The following LMNA variants were observed in gnomAD, a reference collection of about 807,000 sequenced individuals.
The protein encoded by LMNA is lamin.
LMNA carries 20 observed loss-of-function variants against 70.4 expected under a neutral mutation model. That is an observed-to-expected ratio of 0.28 (90% CI 0.20 to 0.41). LMNA has a LOEUF of 0.41. Among genes scored for constraint, LMNA ranks in the 10% least tolerant of loss-of-function variants. The probability of loss-of-function intolerance (pLI) is 1.00; values close to 1 mark genes in which losing one functional copy is unlikely to be tolerated. For synonymous variants in LMNA, 339 were observed against 372.8 expected (o/e 0.91, Z 1.04); for missense variants, 652 against 917.2 (o/e 0.71, Z 3.73).
intron 2 of LMNA, among the ~76,000 whole-genome samples, chr1:156,089,280 GTTTATTTATTTA>G (rs140712392): frequency 6.6e-6 from 1 of 150,958 alleles, no homozygotes; most frequent in East Asian, 1.9e-4. Context: ...CCCAACCCTT[GTTTATTTATTTA>G]TTTATTTATT....
At chr1:156,083,910 G>A (rs572407068) in intron 2 of LMNA, among the ~76,000 whole-genome samples, 2 of 152,320 alleles carry the variant, frequency 1.3e-5, no homozygotes, top group South Asian at 4.1e-4. Flanking sequence ...GTTTCAGGAA[G>A]GTGGAGTGTA....
At chr1:156,086,452 T>A (rs900001720) in intron 2 of LMNA, among the ~76,000 whole-genome samples, 2 of 150,924 alleles carry the variant, frequency 1.3e-5, no homozygotes, top group African/African-American at 4.9e-5. Flanking sequence ...AAGCCAGGCT[T>A]CTGGCCTCAT....
chr1:156,138,865 C>G lies in LMNA; in HGVS notation c.1968+108C>G. ...GGAGAGCCTGCCTTCTCTTCCGCAG[C>G]CCGGGGGAGTGGGAGCCTCCTCCCC... On this transcript the variant is annotated intron_variant, in intron 11 of 11. Transcript: ENST00000368300. This position sits in a 1 kb window ranked among gnomAD's most constrained non-coding sequence, Gnocchi z 5.5. 1 of 1,473,518 alleles carries G rather than the reference C, an allele frequency of 6.8e-7. No individual in the cohort carries two copies. 91.3% of individuals were successfully genotyped at this position (1,473,518 alleles called of 1,614,324 possible).
intron 1 of LMNA, among the ~76,000 whole-genome samples, chr1:156,127,327 T>C (rs1181737690): frequency 6.6e-6 from 1 of 152,086 alleles, no homozygotes; most frequent in Non-Finnish European, 1.5e-5. Flanking sequence ...CCATGGGTGA[T>C]AGTGGCTTCT....
At chr1:156,117,969 ATTTTTTTTT>A (rs1186679791) in intron 1 of LMNA, among the ~76,000 whole-genome samples, 1 of 91,906 alleles carries the variant, frequency 1.1e-5, no homozygotes, top group Non-Finnish European at 2.0e-5. Flanking sequence ...CGCTTGGCTA[ATTTTTTTTT>A]TTTTTTTTTT....
At position 156,089,903 on chromosome 1, in the gene LMNA, G is replaced by A. The variant is rs186742573; in HGVS notation, c.-318-568G>A. ...GAGGCCCCTCTGGGACTTAGGGCTGGACCCAGGCGTCCAGGAGGCGGGTGA... is the reference window on the plus strand; with the variant it reads ...GAGGCCCCTCTGGGACTTAGGGCTGAACCCAGGCGTCCAGGAGGCGGGTGA... On this transcript the variant is annotated intron_variant, in intron 2 of 12. Transcript: ENST00000368301. 5.7e-3 allele frequency among the ~76,000 whole-genome samples: 869 copies of A among 152,300 alleles called. 3 individuals carry two copies. Among genetic ancestry groups the A allele is most frequent in the Non-Finnish European group, 7.3e-3 (499 of 68,028 alleles).
At chr1:156,083,761 G>C (rs1240138941) in intron 2 of LMNA, 1 of 152,188 alleles carries the variant, frequency 6.6e-6, no homozygotes, top group Non-Finnish European at 1.5e-5. Context: ...CTAGATCGCA[G>C]AGTGAGACTC....
Position 156,135,144 on chromosome 1 carries a change from C to A in LMNA, c.811-43C>A, listed in dbSNP as rs768992495. The A allele has an allele frequency of 1.2e-6, 2 of 1,613,688 alleles. No homozygotes were observed. The highest frequency in any genetic ancestry group is 2.7e-5 in the African/African-American group (2 of 74,946). On this transcript the variant is annotated intron_variant, in intron 4 of 11. Transcript: ENST00000368300. This position sits in a 1 kb window ranked among gnomAD's most constrained non-coding sequence, Gnocchi z 4.8. Reference sequence around the variant, plus strand: ...CCCAACTCAGGCCTGTGCCTCCACCCCTCCCAGTCACCACAGTCCTAACCC... The same window carrying A: ...CCCAACTCAGGCCTGTGCCTCCACCACTCCCAGTCACCACAGTCCTAACCC...
Position 156,136,866 on chromosome 1 carries a change from A to C in LMNA, c.1381-55A>C, listed in dbSNP as rs1572365339. The C allele has an allele frequency of 2.0e-6, 3 of 1,475,016 alleles. No homozygotes were observed. The allele number at this position is 1,475,016 out of a possible 1,614,324, so 91.4% of individuals were successfully genotyped here. Reference sequence around the variant, plus strand: ...AGGGCTGGGCCTTTGAGCAAGATACACCCAAGAGCCTGGGTGAGCCTCCCC... The same window carrying C: ...AGGGCTGGGCCTTTGAGCAAGATACCCCCAAGAGCCTGGGTGAGCCTCCCC... On this transcript the variant is annotated intron_variant, in intron 7 of 11. Transcript: ENST00000368300. This position sits in a 1 kb window ranked among gnomAD's most constrained non-coding sequence, Gnocchi z 6.1.
chr1:156,088,863 A>AGGAT (rs1430465500), intron 2 of LMNA, among the ~76,000 whole-genome samples: 1 of 152,188 alleles, frequency 6.6e-6, no homozygotes, highest in Non-Finnish European at 1.5e-5. Context: ...CGTGTTAGCC[A>AGGAT]GGATGGTCTC....
In LMNA at chr1:156,136,074, C is replaced by T; in HGVS notation, c.1110C>T (p.Asp370=). ...QELLDIKLAL[D]MEIHAYRKLL... is the part of the protein sequence containing the mutation. ...TTCTGGACATCAAGCTGGCCCTGGA[C>T]ATGGAGATCCACGCCTACCGCAAGC... Residue 370 remains aspartate (D), a synonymous_variant, in exon 6 of 12, where the codon GAC becomes GAT. Coordinates refer to ENST00000368300, the MANE Select transcript of LMNA (RefSeq NM_170707.4). This position sits in a 1 kb window ranked among gnomAD's most constrained non-coding sequence, Gnocchi z 6.1. 6.2e-7 allele frequency: 1 copy of T among 1,614,120 alleles called. No homozygotes were observed. Among genetic ancestry groups the T allele is most frequent in the Non-Finnish European group, 8.5e-7 (1 of 1,180,028 alleles).
At chr1:156,129,783 GT>G (rs755920756) in intron 1 of LMNA, 10 of 725,704 alleles carry the variant, frequency 1.4e-5, no homozygotes, top group Admixed American at 7.8e-5. Flanking sequence ...AGGCAGCGCT[GT>G]TCGACTGGTT....
chr1:156,129,721 A>C (rs550547700), intron 1 of LMNA: 62 of 640,262 alleles, frequency 9.7e-5, no homozygotes, highest in Non-Finnish European at 1.6e-4. Flanking sequence ...CTATTTCTCC[A>C]GTCCACTAGC....
rs1315332852 is a variant in LMNA, at chr1:156,137,971, T to C, written c.1698+228T>C. On this transcript the variant is annotated intron_variant, in intron 10 of 11. Transcript: ENST00000368300. The surrounding 1 kb of genome is among the most constrained non-coding windows in gnomAD (Gnocchi z 4.6). ...AAGGAAGGGAGTGGGAACTTTCTGATGCCATGGAATATTCCTGTGGGAGCA... is the reference window on the plus strand; with the variant it reads ...AAGGAAGGGAGTGGGAACTTTCTGACGCCATGGAATATTCCTGTGGGAGCA... 2.4e-6 allele frequency: 2 copies of C among 829,018 alleles called. No individual in the cohort carries two copies. Among genetic ancestry groups the C allele is most frequent in the Non-Finnish European group, 1.8e-6 (1 of 546,818 alleles). 51.4% of individuals were successfully genotyped at this position (829,018 alleles called of 1,614,324 possible).
chr1:156,103,818 GC>G lies in LMNA; in HGVS notation c.-206-10892del, dbSNP rs1446349880. ...TCTTTATCCCTCAACGCCCTCCCCTGCCCAAGGACCAGAGTAGGGAGTGGCC... is the reference window on the plus strand; with the variant it reads ...TCTTTATCCCTCAACGCCCTCCCCTGCCAAGGACCAGAGTAGGGAGTGGCC... On this transcript the variant is annotated intron_variant, in intron 3 of 12. Transcript: ENST00000368301. This position sits in a 1 kb window ranked among gnomAD's most constrained non-coding sequence, Gnocchi z 4.7. Among the ~76,000 whole-genome samples, 1 of 151,910 alleles carries G rather than the reference GC, an allele frequency of 6.6e-6. No individual in the cohort carries two copies. The highest frequency in any genetic ancestry group is 1.5e-5 in the Non-Finnish European group (1 of 67,930).
intron 1 of LMNA, chr1:156,126,232 G>T: frequency 6.6e-7 from 1 of 1,519,450 alleles, no homozygotes; most frequent in Non-Finnish European, 8.8e-7. Context: ...TGGTGAGCAG[G>T]GCTGCTGAGG....
chr1:156,102,426 C>T (rs71630614), intron 3 of LMNA, among the ~76,000 whole-genome samples: 2,312 of 152,284 alleles, frequency 0.015, 32 homozygotes, highest in Non-Finnish European at 0.02. Context: ...GGTTCTGTCA[C>T]CTCTGGTTAG....
At chr1:156,102,373 C>T (rs1028540633) in intron 3 of LMNA, among the ~76,000 whole-genome samples, 9 of 152,124 alleles carry the variant, frequency 5.9e-5, no homozygotes, top group East Asian at 1.9e-4. Flanking sequence ...GTTGACATAC[C>T]GCAGACACCC....
At chr1:156,117,908 T>C (rs1649942935) in intron 1 of LMNA, among the ~76,000 whole-genome samples, 1 of 150,674 alleles carries the variant, frequency 6.6e-6, no homozygotes, top group Admixed American at 6.6e-5. Context: ...GCTCAAGCGA[T>C]CCTACCGTCT....
Sources: allele counts gnomAD v4.1 joint callset (sites outside exome capture counted in the v4.1 genomes callset), GRCh38; gene constraint gnomAD v4.1.1; non-coding constraint Gnocchi (gnomAD v3.1); transcripts MANE v1.5; gene names NCBI Gene and HGNC (gene_info 2026-07-23, HGNC 2026-07-21).